SLCO2A1: variants seen among roughly 807,000 people sequenced by gnomAD.
SLCO2A1 encodes matrin F/G 1.
In SLCO2A1, 60 loss-of-function variants were observed where a neutral mutation model predicts 71.7. The ratio of observed to expected loss-of-function variants is 0.84; its 90% CI spans 0.68 to 1.04. The LOEUF (loss-of-function observed/expected upper bound fraction) is 1.04. Ranked by LOEUF, SLCO2A1 falls within the 50% of genes least tolerant of loss-of-function variation. SLCO2A1 has a pLI of 0.00. For missense variants in SLCO2A1, 745 were observed against 813.4 expected (o/e 0.92, Z 1.02); for synonymous variants, 308 against 326.7 (o/e 0.94, Z 0.62).
At chr3:133,939,175 A>G (rs1296820138) in intron 11 of SLCO2A1, among the ~76,000 whole-genome samples, 3 of 152,214 alleles carry the variant, frequency 2.0e-5, no homozygotes, top group Non-Finnish European at 4.4e-5. Context: ...TTCATTTGCA[A>G]TAGGTCCTGC....
Position 133,962,455 on chromosome 3 carries a change from A to AG in SLCO2A1, c.398-7263_398-7262insC, listed in dbSNP as rs150495720. 3.0e-3 allele frequency among the ~76,000 whole-genome samples: 452 copies of AG among 152,088 alleles called. 1 individual carries two copies. The highest frequency in any genetic ancestry group is 3.9e-3 in the Non-Finnish European group (268 of 67,958). On this transcript the variant is annotated intron_variant, in intron 3 of 13. Coordinates refer to ENST00000310926, the MANE Select transcript of SLCO2A1 (RefSeq NM_005630.3). ...GACACACATTTTAAAAAAGAAAAAA[A>AG]AATAGGAGGACAGGGATAGGAGTTC...
intron 1 of SLCO2A1, among the ~76,000 whole-genome samples, chr3:134,013,494 G>A (rs924873672): frequency 6.6e-6 from 1 of 152,128 alleles, no homozygotes; most frequent in Non-Finnish European, 1.5e-5. Context: ...GGTTCTGTCT[G>A]ACGGTGTCCC....
In SLCO2A1 at chr3:134,029,855, G is replaced by A; in HGVS notation, c.-53C>T. The A allele has an allele frequency of 8.7e-7, 1 of 1,145,414 alleles. No homozygotes were observed. The highest frequency in any genetic ancestry group is 1.1e-6 in the Non-Finnish European group (1 of 889,086). 71.0% of individuals were successfully genotyped at this position (1,145,414 alleles called of 1,614,324 possible). On this transcript the variant is annotated 5_prime_UTR_variant, in exon 1 of 14. Transcript: ENST00000310926. ...GTGGCGCGGGGTCGGGGCGCCTCGGGCTGGAGCGGCCGGGCGGGTGAGAGG... is the reference window on the plus strand; with the variant it reads ...GTGGCGCGGGGTCGGGGCGCCTCGGACTGGAGCGGCCGGGCGGGTGAGAGG...
intron 8 of SLCO2A1, among the ~76,000 whole-genome samples, chr3:133,948,187 G>A (rs540016244): frequency 3.3e-5 from 5 of 152,214 alleles, no homozygotes; most frequent in Non-Finnish European, 7.4e-5. Context: ...AGAAAATCCC[G>A]GAGGCATTTT....
intron 1 of SLCO2A1, among the ~76,000 whole-genome samples, chr3:134,019,092 T>G (rs1935519005): frequency 6.6e-6 from 1 of 152,122 alleles, no homozygotes; most frequent in East Asian, 1.9e-4. Flanking sequence ...CACTGGCCAC[T>G]GGGAATAAGC....
intron 1 of SLCO2A1, among the ~76,000 whole-genome samples, chr3:133,980,819 T>G (rs1286519526): frequency 6.6e-6 from 1 of 152,210 alleles, no homozygotes; most frequent in Non-Finnish European, 1.5e-5. Context: ...CCTATCCATG[T>G]GTCCATGCTC....
intron 1 of SLCO2A1, among the ~76,000 whole-genome samples, chr3:134,011,498 A>G (rs576982745): frequency 6.6e-6 from 1 of 152,358 alleles, no homozygotes; most frequent in South Asian, 2.1e-4. Context: ...CAATTTGAAA[A>G]TGAAATTGGC....
intron 4 of SLCO2A1, 48 bp downstream of exon 4, chr3:133,954,918 A>C: frequency 6.6e-7 from 1 of 1,504,050 alleles, no homozygotes; most frequent in Admixed American, 1.7e-5. Flanking sequence ...CAAGTGCTAC[A>C]TCAGGACCTC....
rs1344625310 is a variant in SLCO2A1 at position 133,942,776 on chromosome 3, AGG to A, written c.1462-10_1462-9del. 1.3e-6 allele frequency: 2 copies of A among 1,592,814 alleles called. No homozygotes were observed. The highest frequency in any genetic ancestry group is 1.8e-5 in the Admixed American group (1 of 57,140). ...GCTGCAGTTCAAATAGATCTTCAAG[AGG>A]AAGGGGAGGGAAAAAGGGGGAAATT... On this transcript the variant is annotated splice_polypyrimidine_tract_variant and intron_variant, in intron 10 of 13. Coordinates refer to ENST00000310926, the MANE Select transcript of SLCO2A1 (RefSeq NM_005630.3).
intron 1 of SLCO2A1, among the ~76,000 whole-genome samples, chr3:133,992,293 G>A (rs1388657643): frequency 6.6e-6 from 1 of 152,208 alleles, no homozygotes; most frequent in Non-Finnish European, 1.5e-5. Flanking sequence ...GCCCTTGAAA[G>A]GACAAAGGTC....
chr3:133,980,780 G>A (rs1934570577), intron 1 of SLCO2A1, among the ~76,000 whole-genome samples: 1 of 152,222 alleles, frequency 6.6e-6, no homozygotes, highest in Non-Finnish European at 1.5e-5. Context: ...GGCCAGCTTG[G>A]GATGTCAGAC....
chr3:133,975,989 C>T (rs1934436364), intron 2 of SLCO2A1, among the ~76,000 whole-genome samples: 1 of 152,150 alleles, frequency 6.6e-6, no homozygotes, highest in African/African-American at 2.4e-5. Flanking sequence ...GATATATGAG[C>T]AGAGATTTTT....
Position 133,957,070 on chromosome 3 carries a change from A to T in SLCO2A1, c.398-1877T>A, listed in dbSNP as rs1262541462. Among the ~76,000 whole-genome samples the T allele has an allele frequency of 6.6e-5, 10 of 152,358 alleles. No individual in the cohort carries two copies. In the East Asian group the frequency reaches 1.9e-3, roughly 29 times the overall value. On this transcript the variant is annotated intron_variant, in intron 3 of 13. Transcript: ENST00000310926. ...GTCTCTCCCATTTCTTCTTTGTCCC[A>T]TTCCCATTGCCCTTCTTTCTGCTCT...
rs1487549030 is a variant in SLCO2A1, at chr3:133,953,667, G to T, written c.720C>A (p.Asn240Lys). 1.2e-6 allele frequency: 2 copies of T among 1,613,864 alleles called. No homozygotes were observed. Among genetic ancestry groups the T allele is most frequent in the East Asian group, 2.2e-5 (1 of 44,878 alleles). ...GTGTCCTCTGCACATACTCACCTGT[G>T]TTGACCCTGCCATAGTCCACAAAGA... Reference protein sequence around the residue: ...LQIFVDYGRVNTAAVNLVPGD... With the variant: ...LQIFVDYGRVKTAAVNLVPGD... The change falls in exon 5 of 14, where the codon AAC becomes AAA. Residue 240 changes from asparagine (N) to lysine (K), a missense_variant. By Grantham distance (94) the Asn-to-Lys change is moderately conservative. Coordinates refer to ENST00000310926, the MANE Select transcript of SLCO2A1 (RefSeq NM_005630.3).
At chr3:133,964,973 A>G (rs1441255400) in intron 3 of SLCO2A1, among the ~76,000 whole-genome samples, 1 of 152,242 alleles carries the variant, frequency 6.6e-6, no homozygotes. Context: ...GAAGGAAGAC[A>G]TACCTGAGGG....
intron 3 of SLCO2A1, among the ~76,000 whole-genome samples, chr3:133,971,502 T>C (rs1359804015): frequency 6.6e-6 from 1 of 152,188 alleles, no homozygotes; most frequent in Non-Finnish European, 1.5e-5. Flanking sequence ...ATTTCATCAT[T>C]AGACACCCCC....
chr3:133,947,800 C>T (rs1933624343), intron 8 of SLCO2A1, among the ~76,000 whole-genome samples: 1 of 152,120 alleles, frequency 6.6e-6, no homozygotes, highest in Non-Finnish European at 1.5e-5. Flanking sequence ...CCCCTATGTA[C>T]CAGTCAGAGA....
At chr3:133,975,862 C>T (rs956647186) in intron 2 of SLCO2A1, among the ~76,000 whole-genome samples, 6 of 152,204 alleles carry the variant, frequency 3.9e-5, no homozygotes, top group African/African-American at 1.4e-4. Flanking sequence ...CCTACATCCC[C>T]AACACTGAGG....
At chr3:134,023,571 CA>C (rs1397556323) in intron 1 of SLCO2A1, among the ~76,000 whole-genome samples, 4 of 152,130 alleles carry the variant, frequency 2.6e-5, no homozygotes, top group Admixed American at 6.6e-5. Context: ...ATAGTTGGTC[CA>C]ATGTTCTGTG....
Sources: gnomAD v4.1 joint callset for allele counts (sites outside exome capture counted in the v4.1 genomes callset) on GRCh38, gnomAD v4.1.1 for gene constraint, MANE v1.5 for transcripts, NCBI Gene and HGNC (gene_info 2026-07-23, HGNC 2026-07-21) for gene names.